RCC2: variants seen among roughly 807,000 people sequenced by gnomAD.
RCC2 encodes protein RCC2.
Under a neutral mutation model 64.1 loss-of-function variants are expected in RCC2, and 19 were observed. The observed-to-expected ratio is 0.30, with a 90% CI of 0.21 to 0.44. RCC2 has a LOEUF of 0.44. RCC2 is among the 20% of genes least tolerant of loss of function. The pLI is 1.00. For missense variants in RCC2, 508 were observed against 710.4 expected (o/e 0.72, Z 3.24); for synonymous variants, 325 against 279.6 (o/e 1.16, Z -1.62).
chr1:17,410,224 G>A (rs1367570459), intron 11 of RCC2, among the ~76,000 whole-genome samples, 173 bp from the exon 12 acceptor site: 1 of 152,194 alleles, frequency 6.6e-6, no homozygotes, highest in East Asian at 1.9e-4. Flanking sequence ...AATCATCCAA[G>A]TTTATCCACA....
At chr1:17,416,734 G>A (rs1230078441) in intron 7 of RCC2, 88 bp from the exon 8 acceptor site, 7 of 1,374,790 alleles carry the variant, frequency 5.1e-6, no homozygotes, top group African/African-American at 1.4e-5. Context: ...AGTGAGCCCC[G>A]GCAGCACCCC....
At chr1:17,409,371 A>G (rs1046276097) in intron 12 of RCC2, among the ~76,000 whole-genome samples, 177 bp from the exon 13 acceptor site, 1 of 152,198 alleles carries the variant, frequency 6.6e-6, no homozygotes, top group African/African-American at 2.4e-5. Context: ...ACTGCCACCA[A>G]CGCTCTGCCA....
chr1:17,432,979 A>G (rs1001018039), intron 2 of RCC2, among the ~76,000 whole-genome samples: 1 of 152,112 alleles, frequency 6.6e-6, no homozygotes, highest in African/African-American at 2.4e-5. Context: ...AAGAAAAAGA[A>G]AAAGAAAAAA....
chr1:17,422,589 TTCTGA>T (rs1409365223), intron 5 of RCC2, 111 bp downstream of exon 5: 1 of 1,386,454 alleles, frequency 7.2e-7, no homozygotes, highest in African/African-American at 1.5e-5. Flanking sequence ...CAGGGCCTCT[TTCTGA>T]TCCTGACCAA....
intron 2 of RCC2, among the ~76,000 whole-genome samples, chr1:17,437,708 G>T (rs1223603027): frequency 6.8e-6 from 1 of 146,918 alleles, no homozygotes; most frequent in African/African-American, 2.4e-5. Context: ...CGCCCCCCCC[G>T]GGCGCCGGAG....
At chr1:17,429,312 T>C (rs1164490639) in intron 2 of RCC2, 113 bp from the exon 3 acceptor site, 1 of 806,996 alleles carries the variant, frequency 1.2e-6, no homozygotes, top group Non-Finnish European at 2.1e-6. Context: ...AGCCCTTATG[T>C]CACCTGTGAC....
At chr1:17,415,056 C>G (rs1277696520) in intron 8 of RCC2, among the ~76,000 whole-genome samples, 3 of 152,204 alleles carry the variant, frequency 2.0e-5, no homozygotes, top group African/African-American at 7.2e-5. Context: ...TTCTGACATG[C>G]CAATTCAGTT....
chr1:17,421,554 T>A (rs532422638), intron 6 of RCC2, among the ~76,000 whole-genome samples: 51 of 152,158 alleles, frequency 3.4e-4, no homozygotes, highest in Non-Finnish European at 4.7e-4. Flanking sequence ...GGCTGGTGAC[T>A]TTATACAAGG....
In RCC2 at chr1:17,412,769, C is replaced by T. The variant is rs115237984; in HGVS notation, c.1313+304G>A. ...TCAAGTCCTGCTACGTTTCCAACTA[C>T]GTATAATTTTCAACCTGCAGCGTAG... On this transcript the variant is annotated intron_variant, in intron 10 of 12. Coordinates refer to ENST00000375436, the MANE Select transcript of RCC2 (RefSeq NM_018715.4). Among the ~76,000 whole-genome samples, 967 of 152,338 alleles carry T rather than the reference C, an allele frequency of 6.3e-3. 7 individuals are homozygous for T. The highest frequency in any genetic ancestry group is 0.021 in the African/African-American group (891 of 41,570).
At chr1:17,436,874 G>A (rs2075740432) in intron 2 of RCC2, among the ~76,000 whole-genome samples, 1 of 152,218 alleles carries the variant, frequency 6.6e-6, no homozygotes, top group South Asian at 2.1e-4. Context: ...CAGACTAGAC[G>A]TCAAAGGAAA....
intron 1 of RCC2, among the ~76,000 whole-genome samples, chr1:17,439,053 C>T (rs1485872420): frequency 1.3e-5 from 2 of 151,946 alleles, no homozygotes; most frequent in Non-Finnish European, 2.9e-5. Flanking sequence ...CAGCCCTGGA[C>T]CCCCGTTCGG....
chr1:17,432,312 A>G (rs1171987859), intron 2 of RCC2, among the ~76,000 whole-genome samples: 1 of 152,192 alleles, frequency 6.6e-6, no homozygotes, highest in Admixed American at 6.5e-5. Context: ...ACAGGTCTAT[A>G]TTCAATGGCT....
intron 2 of RCC2, among the ~76,000 whole-genome samples, chr1:17,431,332 T>C (rs2075673147): frequency 1.2e-4 from 1 of 8,020 alleles, no homozygotes; most frequent in South Asian, 5.0e-3. Flanking sequence ...AGACTCCATC[T>C]CAAAAAAAAA....
chr1:17,424,925 T>C (rs766902942), intron 4 of RCC2, among the ~76,000 whole-genome samples: 1 of 151,930 alleles, frequency 6.6e-6, no homozygotes, highest in Non-Finnish European at 1.5e-5. Flanking sequence ...CTGGAACCCA[T>C]CCCGAGTGCC....
chr1:17,422,500 T>C (rs2075566469), intron 5 of RCC2, among the ~76,000 whole-genome samples: 1 of 152,156 alleles, frequency 6.6e-6, no homozygotes, highest in Non-Finnish European at 1.5e-5. Context: ...GGGCAGCGTC[T>C]CCTACTCCCA....
At chr1:17,437,043 C>T (rs2075742261) in intron 2 of RCC2, among the ~76,000 whole-genome samples, 1 of 152,214 alleles carries the variant, frequency 6.6e-6, no homozygotes, top group Non-Finnish European at 1.5e-5. Context: ...AAAGCATATT[C>T]CCATGTGCAA....
rs868631253 is a variant in RCC2, at chr1:17,431,359, A to T, written c.286-2160T>A. 4.6e-3 allele frequency among the ~76,000 whole-genome samples: 208 copies of T among 44,904 alleles called. 24 individuals are homozygous for T. The highest frequency in any genetic ancestry group is 0.033 in the Middle Eastern group (2 of 60). The allele number at this position is 44,904 out of a possible 152,430, so 29.5% of individuals were successfully genotyped here. On this transcript the variant is annotated intron_variant, in intron 2 of 12. Transcript: ENST00000375436. Reference sequence around the variant, plus strand: ...AAAAAAAAAAAAAAAAAAAAAAAAAAATATATATATATATATATATATGTG... The same window carrying T: ...AAAAAAAAAAAAAAAAAAAAAAAAATATATATATATATATATATATATGTG...
chr1:17,431,941 A>G (rs1479020712), intron 2 of RCC2, among the ~76,000 whole-genome samples: 1 of 152,152 alleles, frequency 6.6e-6, no homozygotes, highest in African/African-American at 2.4e-5. Context: ...TCTACTAAAA[A>G]TACAAAAAAT....
At chr1:17,413,416 C>T (rs1257469206) in intron 9 of RCC2, 121 bp downstream of exon 9, 2 of 1,132,570 alleles carry the variant, frequency 1.8e-6, no homozygotes, top group Non-Finnish European at 2.6e-6. Flanking sequence ...GAGTTCCTGT[C>T]TCAAAAAAAT....
Sources: gnomAD v4.1 joint callset for allele counts (sites outside exome capture counted in the v4.1 genomes callset) on GRCh38, gnomAD v4.1.1 for gene constraint, MANE v1.5 for transcripts, NCBI Gene and HGNC (gene_info 2026-07-23, HGNC 2026-07-21) for gene names.